Variants in MORN5 observed in about 807,000 individuals in gnomAD.
MORN5 encodes MORN repeat containing 5.
Under a neutral mutation model 22.1 loss-of-function variants are expected in MORN5, and 21 were observed. The ratio of observed to expected loss-of-function variants is 0.95; its 90% CI spans 0.67 to 1.37. MORN5 has a LOEUF of 1.37. Among genes scored for constraint, MORN5 ranks in the 40% most tolerant of loss-of-function variants. The probability of loss-of-function intolerance (pLI) is 0.00; values close to 1 mark genes in which losing one functional copy is unlikely to be tolerated. For synonymous variants in MORN5, 73 were observed against 74.0 expected (o/e 0.99, Z 0.07); for missense variants, 211 against 215.1 (o/e 0.98, Z 0.12).
chr9:122,174,189 G>C (rs1320497718), intron 3 of MORN5, among the ~76,000 whole-genome samples: 1 of 152,082 alleles, frequency 6.6e-6, no homozygotes, highest in Non-Finnish European at 1.5e-5. Flanking sequence ...TTACCCTCAG[G>C]GTCTGTCTAA....
In MORN5 at chr9:122,174,799, C is replaced by T. The variant is rs1758545261; in HGVS notation, c.439+172C>T. The T allele has an allele frequency of 6.0e-6, 9 of 1,490,122 alleles. No homozygotes were observed. The South Asian group carries it at 1.0e-4, about 17-fold the overall frequency. 92.3% of individuals were successfully genotyped at this position (1,490,122 alleles called of 1,614,324 possible). On this transcript the variant is annotated intron_variant, in intron 4 of 4. Coordinates refer to ENST00000373764, the MANE Select transcript of MORN5 (RefSeq NM_198469.4). ...TTTGGACTTCTCGTGGCTGGCAAAT[C>T]TGTACATAGTCCTAGAGTGAGGTAA...
Position 122,171,326 on chromosome 9 carries a change from G to A in MORN5, c.307+1570G>A, listed in dbSNP as rs148060239. ...ATGACCTTGGGTCAGTTAGTTGACC[G>A]GGTGAGCCGCCTTCTCTCCCTTTGC... On this transcript the variant is annotated intron_variant, in intron 3 of 4. Transcript: ENST00000373764. Among the ~76,000 whole-genome samples the A allele has an allele frequency of 6.7e-4, 102 of 152,272 alleles. 1 individual carries two copies. The highest frequency in any genetic ancestry group is 2.3e-3 in the African/African-American group (96 of 41,568).
In MORN5 at chr9:122,194,750, T is replaced by C. The variant is rs530289986; in HGVS notation, c.440-5135T>C. On this transcript the variant is annotated intron_variant, in intron 4 of 4. Transcript: ENST00000373764. The stretch of plus-strand genomic sequence containing the variant: ...AAAAAAATATGCAAGCCGGGCACGG[T>C]GGACCACACCTGTAATCCCAACACT... Among the ~76,000 whole-genome samples, 93 of 152,202 alleles carry C rather than the reference T, an allele frequency of 6.1e-4. 1 individual carries two copies. Among genetic ancestry groups the C allele is most frequent in the Non-Finnish European group, 1.1e-3 (73 of 67,994 alleles).
chr9:122,161,190 C>G (rs991668679), intron 1 of MORN5, among the ~76,000 whole-genome samples: 2 of 152,150 alleles, frequency 1.3e-5, no homozygotes, highest in Non-Finnish European at 2.9e-5. Flanking sequence ...GAAGCACTCC[C>G]ACCTTGGGGC....
chr9:122,168,029 C>T (rs1324837875), intron 2 of MORN5, among the ~76,000 whole-genome samples: 1 of 152,204 alleles, frequency 6.6e-6, no homozygotes, highest in East Asian at 1.9e-4. Context: ...ATTTGGCACA[C>T]CCAGATAATC....
At chr9:122,199,747 G>A in intron 4 of MORN5, 138 bp from the exon 5 acceptor site, 1 of 778,252 alleles carries the variant, frequency 1.3e-6, no homozygotes. Context: ...TGAAAGGTCT[G>A]TTCCTCCCCA....
intron 4 of MORN5, among the ~76,000 whole-genome samples, chr9:122,180,918 A>G (rs1342013123): frequency 6.6e-6 from 1 of 152,236 alleles, no homozygotes; most frequent in African/African-American, 2.4e-5. Flanking sequence ...CATGAGTCCC[A>G]TGAGTTGGAG....
intron 4 of MORN5, among the ~76,000 whole-genome samples, chr9:122,190,025 C>T (rs947310257): frequency 7.2e-5 from 11 of 152,072 alleles, no homozygotes; most frequent in Non-Finnish European, 1.6e-4. Flanking sequence ...GAACTTTTCC[C>T]CTCACCCATC....
chr9:122,166,319 C>T (rs1354039147), intron 1 of MORN5, among the ~76,000 whole-genome samples: 2 of 150,544 alleles, frequency 1.3e-5, no homozygotes, highest in Non-Finnish European at 2.9e-5. Context: ...CAAACCCTTA[C>T]TCCTGTCTCT....
chr9:122,176,693 A>G (rs1291099267), intron 4 of MORN5, among the ~76,000 whole-genome samples: 1 of 152,116 alleles, frequency 6.6e-6, no homozygotes, highest in African/African-American at 2.4e-5. Context: ...CCTGGCCAAC[A>G]TAGTGAAACC....
chr9:122,160,997 A>G (rs1453432220), intron 1 of MORN5, among the ~76,000 whole-genome samples: 1 of 152,232 alleles, frequency 6.6e-6, no homozygotes, highest in Non-Finnish European at 1.5e-5. Context: ...GACATAACAG[A>G]TAACTGCGAT....
intron 4 of MORN5, among the ~76,000 whole-genome samples, chr9:122,186,687 G>A (rs747230446): frequency 4.6e-5 from 7 of 151,828 alleles, no homozygotes; most frequent in Non-Finnish European, 1.0e-4. Flanking sequence ...CTCCCCTGCC[G>A]CCCCCCGACT....
chr9:122,193,489 G>A (rs1829819112), intron 4 of MORN5, among the ~76,000 whole-genome samples: 1 of 152,232 alleles, frequency 6.6e-6, no homozygotes, highest in Non-Finnish European at 1.5e-5. Flanking sequence ...GGAGACTGAG[G>A]CAGGAGAATC....
chr9:122,161,900 G>A (rs562129189), intron 1 of MORN5, among the ~76,000 whole-genome samples: 164 of 152,302 alleles, frequency 1.1e-3, no homozygotes, highest in Non-Finnish European at 1.9e-3. Flanking sequence ...CTGTAACCAC[G>A]ATAGGGATTC....
At chr9:122,182,935 T>G (rs10119567) in intron 4 of MORN5, among the ~76,000 whole-genome samples, 3,294 of 152,280 alleles carry the variant, frequency 0.022, 120 homozygotes, top group African/African-American at 0.075. Context: ...GCCTGTCCTT[T>G]TCATTCTTCT....
chr9:122,164,816 T>C (rs986505271), intron 1 of MORN5, among the ~76,000 whole-genome samples: 1 of 152,216 alleles, frequency 6.6e-6, no homozygotes, highest in African/African-American at 2.4e-5. Flanking sequence ...GAAATAGTTT[T>C]CAATTTCTTG....
At chr9:122,164,724 A>T (rs201717851) in intron 1 of MORN5, 1 of 641,572 alleles carries the variant, frequency 1.6e-6, no homozygotes, top group East Asian at 1.4e-4. Context: ...GAAATGATAG[A>T]TGTGAGCTCA....
intron 4 of MORN5, among the ~76,000 whole-genome samples, chr9:122,180,234 G>A (rs1588307245): frequency 2.0e-5 from 3 of 151,058 alleles, no homozygotes; most frequent in Admixed American, 6.6e-5. Context: ...AGGTGCACAC[G>A]TGTGATGTAT....
intron 3 of MORN5, among the ~76,000 whole-genome samples, chr9:122,170,078 A>G (rs1829343999): frequency 6.6e-6 from 1 of 152,170 alleles, no homozygotes; most frequent in Non-Finnish European, 1.5e-5. Context: ...CGGGTGGATC[A>G]CTTGAGGTCA....
Sources: gnomAD v4.1 joint callset for allele counts (sites outside exome capture counted in the v4.1 genomes callset) on GRCh38, gnomAD v4.1.1 for gene constraint, MANE v1.5 for transcripts, NCBI Gene and HGNC (gene_info 2026-07-23, HGNC 2026-07-21) for gene names.